The following WWOX variants were observed in gnomAD, a reference collection of about 807,000 sequenced individuals.
The protein encoded by WWOX is WW domain containing oxidoreductase, also known as WW domain-containing oxidoreductase.
Under a neutral mutation model 46.2 loss-of-function variants are expected in WWOX, and 69 were observed. The ratio of observed to expected loss-of-function variants is 1.49; its 90% CI spans 1.23 to 1.82. WWOX has a LOEUF of 1.82. WWOX is among the 40% of genes most tolerant of loss of function. The pLI is 0.00. For synonymous variants in WWOX, 359 were observed against 202.6 expected (o/e 1.77, Z -6.56); for missense variants, 919 against 542.6 (o/e 1.69, Z -6.89).
At chr16:78,196,547 G>C (rs1369088858) in intron 5 of WWOX, among the ~76,000 whole-genome samples, 3 of 152,126 alleles carry the variant, frequency 2.0e-5, no homozygotes, top group Non-Finnish European at 4.4e-5. Context: ...TGTATTGTTT[G>C]CAAATACTAT....
intron 8 of WWOX, among the ~76,000 whole-genome samples, chr16:78,646,430 T>A (rs2046845395): frequency 6.6e-6 from 1 of 152,068 alleles, no homozygotes; most frequent in African/African-American, 2.4e-5. Context: ...AATTTATATA[T>A]TTTAATTTTT....
At chr16:78,614,152 ACT>A (rs1477847456) in intron 8 of WWOX, among the ~76,000 whole-genome samples, 12 of 152,218 alleles carry the variant, frequency 7.9e-5, no homozygotes, top group Admixed American at 7.2e-4. Flanking sequence ...GAATATTCAC[ACT>A]CAGTGGGACA....
intron 8 of WWOX, among the ~76,000 whole-genome samples, chr16:79,107,110 C>T (rs1046053521): frequency 6.6e-6 from 1 of 152,138 alleles, no homozygotes; most frequent in Non-Finnish European, 1.5e-5. Flanking sequence ...CGCTCCCAGC[C>T]TTTAACTTTT....
chr16:79,021,642 AT>A lies in WWOX; in HGVS notation c.1057-189964del, dbSNP rs34933855. Among the ~76,000 whole-genome samples the A allele has an allele frequency of 4.8e-3, 731 of 152,318 alleles. 5 individuals are homozygous for A. The highest frequency in any genetic ancestry group is 0.017 in the African/African-American group (705 of 41,572). Reference sequence around the variant, plus strand: ...TGATAGGAAAATATCTGTGATTTCGATTGCGACAAACACACAGATGCTTCTC... The same window carrying A: ...TGATAGGAAAATATCTGTGATTTCGATGCGACAAACACACAGATGCTTCTC... On this transcript the variant is annotated intron_variant, in intron 8 of 8. Coordinates refer to ENST00000566780, the MANE Select transcript of WWOX (RefSeq NM_016373.4).
chr16:78,529,257 G>T (rs2043560607), intron 8 of WWOX, among the ~76,000 whole-genome samples: 3 of 152,088 alleles, frequency 2.0e-5, no homozygotes, highest in South Asian at 4.1e-4. Flanking sequence ...ACCCGACCAA[G>T]AACTTTCTAT....
At chr16:78,370,925 T>C (rs902334200) in intron 5 of WWOX, among the ~76,000 whole-genome samples, 23 of 151,634 alleles carry the variant, frequency 1.5e-4, no homozygotes, top group South Asian at 2.1e-4. Context: ...AAATTTTGTT[T>C]CCTGACATAG....
At position 78,099,745 on chromosome 16, in the gene WWOX, G is replaced by C; in HGVS notation, c.-34G>C. The stretch of plus-strand genomic sequence containing the variant: ...CCTGAGCGAGTGGACCCGGCAGCGG[G>C]CGATAGGGGGGCCAGGTGCCTCCAC... On this transcript the variant is annotated 5_prime_UTR_variant, in exon 1 of 9. Coordinates refer to ENST00000566780, the MANE Select transcript of WWOX (RefSeq NM_016373.4). The C allele has an allele frequency of 6.6e-7, 1 of 1,520,644 alleles. No homozygotes were observed. Among genetic ancestry groups the C allele is most frequent in the Non-Finnish European group, 8.8e-7 (1 of 1,134,620 alleles). The allele number at this position is 1,520,644 out of a possible 1,614,324, so 94.2% of individuals were successfully genotyped here.
intron 8 of WWOX, among the ~76,000 whole-genome samples, chr16:78,910,503 TTTG>T (rs2045081505): frequency 1.4e-5 from 1 of 72,030 alleles, no homozygotes; most frequent in African/African-American, 4.4e-5. Flanking sequence ...ATCAGGATCT[TTTG>T]TTTTTTTTTT....
chr16:78,797,934 G>T (rs2737294), intron 8 of WWOX, among the ~76,000 whole-genome samples: 53,907 of 151,814 alleles, frequency 0.36, 10,628 homozygotes, highest in Middle Eastern at 0.49. Flanking sequence ...ACGGTAGTGA[G>T]TCATGGTCAC....
At chr16:78,504,923 T>G (rs1422843592) in intron 8 of WWOX, among the ~76,000 whole-genome samples, 1 of 152,162 alleles carries the variant, frequency 6.6e-6, no homozygotes, top group African/African-American at 2.4e-5. Context: ...AAATAATGAC[T>G]GGGAAACGTT....
intron 8 of WWOX, among the ~76,000 whole-genome samples, chr16:78,652,300 T>G (rs1214149137): frequency 1.3e-5 from 2 of 149,722 alleles, no homozygotes; most frequent in Non-Finnish European, 3.0e-5. Context: ...TCCCAGCTAC[T>G]CGGGAGCCTG....
intron 8 of WWOX, among the ~76,000 whole-genome samples, chr16:78,479,337 C>A (rs544874344): frequency 2.0e-5 from 3 of 152,146 alleles, no homozygotes; most frequent in African/African-American, 7.2e-5. Context: ...AAAACATATG[C>A]AAATAATTTT....
chr16:78,163,195 G>A (rs1567606917), intron 4 of WWOX, among the ~76,000 whole-genome samples: 1 of 152,148 alleles, frequency 6.6e-6, no homozygotes, highest in Admixed American at 6.6e-5. Context: ...AATCATAGTG[G>A]TAATTTGAGA....
At position 78,575,008 on chromosome 16, in the gene WWOX, TATATATATATATAA is replaced by T. The variant is rs1567654985; in HGVS notation, c.1056+142270_1056+142283del. On this transcript the variant is annotated intron_variant, in intron 8 of 8. Transcript: ENST00000566780. ...AATATTTATTTTTCAATTATATATA[TATATATATATATAA>T]ATATATATATATATATATATATATA... 7.1e-4 allele frequency among the ~76,000 whole-genome samples: 10 copies of T among 14,178 alleles called. 1 individual carries two copies. The highest frequency in any genetic ancestry group is 2.2e-3 in the South Asian group (1 of 452). The allele number at this position is 14,178 out of a possible 152,430, so 9.3% of individuals were successfully genotyped here.
intron 5 of WWOX, among the ~76,000 whole-genome samples, chr16:78,382,659 A>G (rs2081979438): frequency 6.6e-6 from 1 of 152,202 alleles, no homozygotes; most frequent in African/African-American, 2.4e-5. Context: ...TGAACTTTTC[A>G]TGTTCTAGAT....
chr16:78,652,296 C>T lies in WWOX; in HGVS notation c.1056+219544C>T, dbSNP rs577495661. Among the ~76,000 whole-genome samples the T allele has an allele frequency of 1.9e-4, 29 of 150,318 alleles. No individual in the cohort carries two copies. In the South Asian group the frequency reaches 2.3e-3, roughly 12 times the overall value. On this transcript the variant is annotated intron_variant, in intron 8 of 8. Coordinates refer to ENST00000566780, the MANE Select transcript of WWOX (RefSeq NM_016373.4). ...TGGTGGTGAGCACCTGTAATCCCAGCTACTCGGGAGCCTGAGGCAGGAGAA... is the reference window on the plus strand; with the variant it reads ...TGGTGGTGAGCACCTGTAATCCCAGTTACTCGGGAGCCTGAGGCAGGAGAA...
chr16:78,291,557 C>A (rs1342312189), intron 5 of WWOX, among the ~76,000 whole-genome samples: 1 of 152,114 alleles, frequency 6.6e-6, no homozygotes, highest in Non-Finnish European at 1.5e-5. Flanking sequence ...TTATTTCGGT[C>A]TGAAACCGCT....
At chr16:79,056,241 A>G (rs2048260269) in intron 8 of WWOX, among the ~76,000 whole-genome samples, 1 of 150,934 alleles carries the variant, frequency 6.6e-6, no homozygotes, top group Admixed American at 6.6e-5. Context: ...AAAATTCAGC[A>G]TTTCTTTTCA....
At chr16:79,132,444 G>A (rs1249081725) in intron 8 of WWOX, among the ~76,000 whole-genome samples, 3 of 152,136 alleles carry the variant, frequency 2.0e-5, no homozygotes, top group Admixed American at 6.6e-5. Context: ...TACAGAAATA[G>A]TGTTTCGTGA....
Sources: allele counts gnomAD v4.1 joint callset (sites outside exome capture counted in the v4.1 genomes callset), GRCh38; gene constraint gnomAD v4.1.1; transcripts MANE v1.5; gene names NCBI Gene and HGNC (gene_info 2026-07-23, HGNC 2026-07-21).